The following CDH20 variants were observed in gnomAD, a reference collection of about 807,000 sequenced individuals.
CDH20 encodes the protein cadherin-20.
A neutral mutation model predicts 74.2 loss-of-function variants in CDH20; 29 were observed. The ratio of observed to expected loss-of-function variants is 0.39; its 90% confidence interval spans 0.29 to 0.53. CDH20 has a LOEUF of 0.53. CDH20 is among the 20% of genes least tolerant of loss of function. The pLI is 0.69. For synonymous variants in CDH20, 469 were observed against 405.4 expected (o/e 1.16, Z -1.88); for missense variants, 988 against 1,048.3 (o/e 0.94, Z 0.79).
chr18:61,538,631 T>TTTTTTTTG (rs1599155936), intron 8 of CDH20, among the ~76,000 whole-genome samples: 2 of 120,672 alleles, frequency 1.7e-5, no homozygotes, highest in Non-Finnish European at 1.8e-5. Context: ...TTTTGTTTTT[T>TTTTTTTTG]TTTTTGAGAC....
chr18:61,337,449 A>G (rs17736143), intron 1 of CDH20, among the ~76,000 whole-genome samples: 11,449 of 152,244 alleles, frequency 0.075, 592 homozygotes, highest in Middle Eastern at 0.14. Context: ...TGCTTCTCCA[A>G]TACTTTTTTC....
chr18:61,549,304 T>C (rs1169963225), intron 10 of CDH20, among the ~76,000 whole-genome samples: 1 of 152,210 alleles, frequency 6.6e-6, no homozygotes, highest in Admixed American at 6.5e-5. Context: ...ATTTCTAGTA[T>C]TGATCAGTAA....
chr18:61,456,278 T>A (rs1473573208), intron 1 of CDH20, among the ~76,000 whole-genome samples: 2 of 152,206 alleles, frequency 1.3e-5, no homozygotes, highest in Non-Finnish European at 2.9e-5. Context: ...ATGCAAAGCG[T>A]GACCTGGCCT....
chr18:61,533,225 T>C (rs979654534), intron 7 of CDH20, among the ~76,000 whole-genome samples: 1 of 152,154 alleles, frequency 6.6e-6, no homozygotes, highest in Non-Finnish European at 1.5e-5. Context: ...GAAGGATCAC[T>C]GGAGCCGAGG....
rs576314108 is a variant in CDH20, at chr18:61,473,132, T to C, written c.-152-17270T>C. ...ATTATGAACAGTATAATCAGATTGA[T>C]GTAATATGGCATCAGCCAGTGAATG... is the stretch of plus-strand genomic sequence containing the variant. On this transcript the variant is annotated intron_variant, in intron 1 of 11. Coordinates refer to ENST00000262717, the MANE Select transcript of CDH20 (RefSeq NM_031891.4). Among the ~76,000 whole-genome samples, 3 of 152,378 alleles carry C rather than the reference T, an allele frequency of 2.0e-5. No homozygotes were observed. In the East Asian group the frequency reaches 5.8e-4, roughly 29 times the overall value.
Position 61,545,181 on chromosome 18 carries a change from A to T in CDH20, c.1648+37A>T, listed in dbSNP as rs79881708. On this transcript the variant is annotated intron_variant, in intron 10 of 11. Coordinates refer to ENST00000262717, the MANE Select transcript of CDH20 (RefSeq NM_031891.4). The stretch of plus-strand genomic sequence containing the variant: ...GATGGTTGGCTATCTGTGCTTTTCT[A>T]CAGCATAGGCCAGCTACTTTGGGTT... The T allele has an allele frequency of 1.1e-3, 1,488 of 1,334,000 alleles. 10 individuals carry two copies. In the African/African-American group the frequency reaches 0.018, roughly 16 times the overall value. 82.6% of individuals were successfully genotyped at this position (1,334,000 alleles called of 1,614,324 possible). A position where few individuals can be genotyped will look rare whatever the true frequency, so the allele number is the denominator to read the frequency against.
chr18:61,455,820 A>G (rs1456111677), intron 1 of CDH20, among the ~76,000 whole-genome samples: 2 of 152,260 alleles, frequency 1.3e-5, no homozygotes, highest in African/African-American at 4.8e-5. Flanking sequence ...TATCATAAAG[A>G]GTGAACCTTA....
chr18:61,432,718 A>G lies in CDH20; in HGVS notation c.-152-57684A>G, dbSNP rs145993179. On this transcript the variant is annotated intron_variant, in intron 1 of 11. Coordinates refer to ENST00000262717, the MANE Select transcript of CDH20 (RefSeq NM_031891.4). ...GCTGTGCACACACAGTCTTACAGCC[A>G]TCTGAGGAAGACAGCCCTCCTCTCG... 7.7e-3 allele frequency among the ~76,000 whole-genome samples: 1,168 copies of G among 152,274 alleles called. 11 individuals are homozygous for G. The highest frequency in any genetic ancestry group is 0.025 in the African/African-American group (1,048 of 41,564).
At chr18:61,376,443 G>A (rs1256071708) in intron 1 of CDH20, among the ~76,000 whole-genome samples, 1 of 151,958 alleles carries the variant, frequency 6.6e-6, no homozygotes, top group African/African-American at 2.4e-5. Context: ...CATTAAATAT[G>A]GAACATAAAT....
rs147602456 is a variant in CDH20, at chr18:61,466,760, G to A, written c.-152-23642G>A. Among the ~76,000 whole-genome samples, 14 of 152,276 alleles carry A rather than the reference G, an allele frequency of 9.2e-5. No individual in the cohort carries two copies. In the East Asian group the frequency reaches 1.2e-3, roughly 13 times the overall value. Reference sequence around the variant, plus strand: ...CTTTAAGGCAAAGAAAGAAATTAGCGCACAACTACAGAGGTAACTCAGAAT... The same window carrying A: ...CTTTAAGGCAAAGAAAGAAATTAGCACACAACTACAGAGGTAACTCAGAAT... On this transcript the variant is annotated intron_variant, in intron 1 of 11. Transcript: ENST00000262717.
At chr18:61,470,305 T>C (rs1910119963) in intron 1 of CDH20, among the ~76,000 whole-genome samples, 1 of 152,222 alleles carries the variant, frequency 6.6e-6, no homozygotes, top group South Asian at 2.1e-4. Context: ...CTGTATCCAA[T>C]CTATTTCTAC....
chr18:61,520,315 C>CAAAA (rs58685164), intron 6 of CDH20, among the ~76,000 whole-genome samples: 2,013 of 121,506 alleles, frequency 0.017, 86 homozygotes, highest in Middle Eastern at 0.03. Context: ...GACTCCGTCT[C>CAAAA]AAAAAAAAAA....
At chr18:61,496,856 G>C (rs1219408163) in intron 2 of CDH20, among the ~76,000 whole-genome samples, 1 of 151,986 alleles carries the variant, frequency 6.6e-6, no homozygotes, top group Non-Finnish European at 1.5e-5. Flanking sequence ...TACATACACT[G>C]TTATATATAT....
intron 1 of CDH20, among the ~76,000 whole-genome samples, chr18:61,394,248 T>A (rs1188920748): frequency 6.6e-6 from 1 of 151,958 alleles, no homozygotes; most frequent in Admixed American, 6.6e-5. Context: ...AACACCACGG[T>A]TATATAGTCT....
At chr18:61,507,674 T>G (rs975438458) in intron 6 of CDH20, 114 bp downstream of exon 6, 3 of 652,806 alleles carry the variant, frequency 4.6e-6, no homozygotes, top group Non-Finnish European at 7.1e-6. Context: ...CTGATAAAAG[T>G]GCTTTCCTAT....
intron 1 of CDH20, among the ~76,000 whole-genome samples, chr18:61,345,079 G>A (rs1424974013): frequency 6.6e-6 from 1 of 152,176 alleles, no homozygotes; most frequent in Non-Finnish European, 1.5e-5. Flanking sequence ...CGTTAACTTT[G>A]CAAATTAAAT....
At position 61,515,064 on chromosome 18, in the gene CDH20, C is replaced by T. The variant is rs538731744; in HGVS notation, c.1017+7504C>T. Among the ~76,000 whole-genome samples the T allele has an allele frequency of 1.1e-4, 17 of 152,256 alleles. No individual in the cohort carries two copies. In the East Asian group the frequency reaches 1.4e-3, roughly 12 times the overall value. ...TTCCTGGCTGCTTTGTTTACCTAAT[C>T]AAGCCTGGGCAATGGCGGGCGCCCC... On this transcript the variant is annotated intron_variant, in intron 6 of 11. Coordinates refer to ENST00000262717, the MANE Select transcript of CDH20 (RefSeq NM_031891.4).
At chr18:61,365,454 CT>C (rs748640119) in intron 1 of CDH20, among the ~76,000 whole-genome samples, 1 of 151,472 alleles carries the variant, frequency 6.6e-6, no homozygotes, top group African/African-American at 2.4e-5. Flanking sequence ...GATAATCACA[CT>C]TTTTTTTTCC....
At chr18:61,517,938 G>A (rs1384141415) in intron 6 of CDH20, among the ~76,000 whole-genome samples, 1 of 152,096 alleles carries the variant, frequency 6.6e-6, no homozygotes, top group Non-Finnish European at 1.5e-5. Context: ...GTGGAGGGAG[G>A]GGGGTCCACC....
Sources: allele counts gnomAD v4.1 joint callset (sites outside exome capture counted in the v4.1 genomes callset), GRCh38; gene constraint gnomAD v4.1.1; transcripts MANE v1.5; gene names NCBI Gene and HGNC (gene_info 2026-07-23, HGNC 2026-07-21).